Variants in GPR158 observed in about 807,000 individuals in gnomAD.
GPR158 encodes metabotropic glycine receptor.
A neutral mutation model predicts 78.2 loss-of-function variants in GPR158; 30 were observed. That is an observed-to-expected ratio of 0.38 (90% CI 0.29 to 0.52). GPR158 has a LOEUF of 0.52. Ranked by LOEUF, GPR158 falls within the 20% of genes least tolerant of loss-of-function variation. The pLI is 0.83. For synonymous variants in GPR158, 581 were observed against 591.1 expected, an observed-to-expected ratio of 0.98 and a Z score of 0.25; for missense variants, 1,463 against 1,523.5, an observed-to-expected ratio of 0.96 and a Z score of 0.66.
intron 4 of GPR158, among the ~76,000 whole-genome samples, chr10:25,449,234 A>G (rs1176375861): frequency 1.3e-5 from 2 of 152,210 alleles, no homozygotes; most frequent in Non-Finnish European, 2.9e-5. Context: ...TTCCTGCCAG[A>G]TCATGATAAT....
At chr10:25,516,901 T>A (rs1215583570) in intron 5 of GPR158, among the ~76,000 whole-genome samples, 1 of 142,794 alleles carries the variant, frequency 7.0e-6, no homozygotes, top group African/African-American at 2.8e-5. Context: ...TTTCCAATTC[T>A]GTGAAGAAAG....
chr10:25,503,332 A>C (rs1415037666), intron 5 of GPR158, among the ~76,000 whole-genome samples: 1 of 151,956 alleles, frequency 6.6e-6, no homozygotes, highest in East Asian at 1.9e-4. Context: ...AGCTATGATC[A>C]TGCCACTGCA....
At chr10:25,478,915 C>A (rs966147547) in intron 5 of GPR158, among the ~76,000 whole-genome samples, 1 of 150,670 alleles carries the variant, frequency 6.6e-6, no homozygotes, top group Non-Finnish European at 1.5e-5. Flanking sequence ...TTTGTCATTG[C>A]GATAGTTTGC....
intron 7 of GPR158, among the ~76,000 whole-genome samples, 190 bp from the exon 8 acceptor site, chr10:25,588,817 C>T (rs1052514982): frequency 6.6e-6 from 1 of 152,000 alleles, no homozygotes; most frequent in Non-Finnish European, 1.5e-5. Flanking sequence ...CAAAGTGTAC[C>T]CTTTGAAAAA....
intron 4 of GPR158, among the ~76,000 whole-genome samples, chr10:25,450,155 C>T (rs1180739454): frequency 3.9e-5 from 6 of 152,082 alleles, no homozygotes; most frequent in East Asian, 3.9e-4. Flanking sequence ...TTAGCCAGGC[C>T]AGAGAGAGCA....
At chr10:25,276,718 GAGCACAGAGAC>G (rs1450664471) in intron 2 of GPR158, among the ~76,000 whole-genome samples, 3 of 152,116 alleles carry the variant, frequency 2.0e-5, no homozygotes, top group Non-Finnish European at 4.4e-5. Flanking sequence ...AGAATCTGCT[GAGCACAGAGAC>G]CATTTTTAAT....
At chr10:25,218,564 A>C (rs1356944053) in intron 1 of GPR158, among the ~76,000 whole-genome samples, 2 of 152,232 alleles carry the variant, frequency 1.3e-5, no homozygotes, top group African/African-American at 2.4e-5. Flanking sequence ...ATAACCAACC[A>C]TTGTGGAACG....
intron 2 of GPR158, among the ~76,000 whole-genome samples, chr10:25,294,325 C>G (rs79116384): frequency 3.3e-5 from 5 of 151,850 alleles, no homozygotes; most frequent in Non-Finnish European, 5.9e-5. Flanking sequence ...GAATTTCTAA[C>G]GAATATTAAA....
intron 6 of GPR158, among the ~76,000 whole-genome samples, chr10:25,561,448 T>G (rs1221928235): frequency 6.6e-6 from 1 of 152,196 alleles, no homozygotes; most frequent in Non-Finnish European, 1.5e-5. Context: ...ATAATCTGGC[T>G]TCTTCTTGAT....
chr10:25,320,018 C>T (rs1290263083), intron 2 of GPR158, among the ~76,000 whole-genome samples: 5 of 152,184 alleles, frequency 3.3e-5, no homozygotes, highest in Non-Finnish European at 5.9e-5. Context: ...CGACATCCAA[C>T]CCCCTCAAGT....
At chr10:25,199,126 T>TC (rs202065400) in intron 1 of GPR158, among the ~76,000 whole-genome samples, 3,183 of 151,158 alleles carry the variant, frequency 0.021, 42 homozygotes, top group Middle Eastern at 0.037. Flanking sequence ...CAAATAAAGT[T>TC]TTTGTTTTTT....
intron 5 of GPR158, among the ~76,000 whole-genome samples, chr10:25,513,259 A>G (rs1032500866): frequency 1.3e-5 from 2 of 151,730 alleles, no homozygotes; most frequent in Non-Finnish European, 2.9e-5. Context: ...TTCCTGGATT[A>G]ATGTAGGAGA....
intron 3 of GPR158, among the ~76,000 whole-genome samples, chr10:25,410,044 G>A (rs1214986920): frequency 6.6e-6 from 1 of 152,032 alleles, no homozygotes. Context: ...TCATCATATT[G>A]ATCACATTAT....
chr10:25,301,261 C>T (rs1416993), intron 2 of GPR158, among the ~76,000 whole-genome samples: 30,043 of 152,110 alleles, frequency 0.2, 4,929 homozygotes, highest in African/African-American at 0.45. Context: ...TAGTTTCTCC[C>T]TCTCTAAAAT....
intron 2 of GPR158, among the ~76,000 whole-genome samples, chr10:25,274,483 C>T (rs1854157234): frequency 6.6e-6 from 1 of 152,160 alleles, no homozygotes; most frequent in African/African-American, 2.4e-5. Context: ...TAGTTTGCAA[C>T]ATAGGTGATT....
In GPR158 at chr10:25,516,311, G is replaced by T. The variant is rs1191139517; in HGVS notation, c.1405-34665G>T. 9.5e-5 allele frequency among the ~76,000 whole-genome samples: 14 copies of T among 148,066 alleles called. No individual in the cohort carries two copies. The East Asian group carries it at 1.0e-3, about 11-fold the overall frequency. ...GTAGGTTGCGAAAATTTTCTCCCAT[G>T]TTGTAGGTTGCCTGTTCACTCTGAT... On this transcript the variant is annotated intron_variant, in intron 5 of 10. Coordinates refer to ENST00000376351, the MANE Select transcript of GPR158 (RefSeq NM_020752.3).
chr10:25,397,425 C>G (rs935349529), intron 3 of GPR158, among the ~76,000 whole-genome samples: 12 of 152,142 alleles, frequency 7.9e-5, no homozygotes, highest in African/African-American at 2.9e-4. Context: ...GTACAGGTCT[C>G]TTTTAAATAG....
intron 2 of GPR158, among the ~76,000 whole-genome samples, chr10:25,389,706 G>A (rs911471745): frequency 2.6e-5 from 4 of 152,084 alleles, no homozygotes; most frequent in Non-Finnish European, 4.4e-5. Flanking sequence ...GAATAGAGAA[G>A]GAAAGAAGGG....
At chr10:25,439,453 G>A (rs1003754309) in intron 4 of GPR158, among the ~76,000 whole-genome samples, 6 of 152,132 alleles carry the variant, frequency 3.9e-5, no homozygotes, top group African/African-American at 1.2e-4. Flanking sequence ...AGAGGACACA[G>A]AGCCAAACCA....
Sources: allele counts gnomAD v4.1 joint callset (sites outside exome capture counted in the v4.1 genomes callset), GRCh38; gene constraint gnomAD v4.1.1; transcripts MANE v1.5; gene names NCBI Gene and HGNC (gene_info 2026-07-23, HGNC 2026-07-21).